AKAP9: variants seen among roughly 807,000 people sequenced by gnomAD.
AKAP9 encodes the protein A-kinase anchoring protein 9, also known as A-kinase anchor protein 9.
A neutral mutation model predicts 488.5 loss-of-function variants in AKAP9; 311 were observed. That is an observed-to-expected ratio of 0.64 (90% CI 0.58 to 0.70). The LOEUF is 0.70. AKAP9 is among the 30% of genes least tolerant of loss of function. AKAP9 has a pLI of 0.00. For missense variants in AKAP9, 4,215 were observed against 4,374.5 expected (o/e 0.96, Z 1.03); for synonymous variants, 1,462 against 1,483.5 (o/e 0.99, Z 0.33).
chr7:92,076,854 G>T lies in AKAP9; in HGVS notation c.6613-1G>T. Reference sequence around the variant, plus strand: ...CTCTTTTGATAATTTTGTTATTAAAGATTACAAACTTAGAAGAGCAATTAG... The same window carrying T: ...CTCTTTTGATAATTTTGTTATTAAATATTACAAACTTAGAAGAGCAATTAG... On this transcript the variant is annotated splice_acceptor_variant, in intron 28 of 49. Transcript: ENST00000356239. LOFTEE classifies it high-confidence loss of function. 1 of 1,425,678 alleles carries T rather than the reference G, an allele frequency of 7.0e-7. No individual in the cohort carries two copies. The highest frequency in any genetic ancestry group is 9.6e-7 in the Non-Finnish European group (1 of 1,036,534). 88.3% of individuals were successfully genotyped at this position (1,425,678 alleles called of 1,614,324 possible).
rs778188906 is a variant in AKAP9, at chr7:92,107,386, T to C, written c.11510T>C (p.Leu3837Pro). 3 of 1,613,918 alleles carry C rather than the reference T, an allele frequency of 1.9e-6. No homozygotes were observed. Among genetic ancestry groups the C allele is most frequent in the South Asian group, 1.1e-5 (1 of 91,082 alleles). The change falls in exon 48 of 50, where the codon CTG becomes CCG. Residue 3837 changes from leucine to proline, a missense_variant. Coordinates refer to ENST00000356239, the MANE Select transcript of AKAP9 (RefSeq NM_005751.5). ...RHTTYRSRSD[L>P]DYIRSPLPFQ... ...ACTACGTATCGCTCAAGATCAGATC[T>C]GGACTATATTAGGTCCCCTTTACCA...
rs1472983942 is a variant in AKAP9, at chr7:91,941,010, T to C, written c.-90T>C. On this transcript the variant is annotated 5_prime_UTR_variant, in exon 1 of 50. Coordinates refer to ENST00000356239, the MANE Select transcript of AKAP9 (RefSeq NM_005751.5). ...AATCGGCTCTCTAGGCCGTGGAGCT[T>C]GCCGTCCCACCTCCGTCCAAATCGA... The C allele has an allele frequency of 1.5e-6, 2 of 1,343,706 alleles. No individual in the cohort carries two copies. The highest frequency in any genetic ancestry group is 2.1e-6 in the Non-Finnish European group (2 of 933,610). 83.2% of individuals were successfully genotyped at this position (1,343,706 alleles called of 1,614,324 possible).
At chr7:92,037,307 A>G (rs1376826324) in intron 16 of AKAP9, among the ~76,000 whole-genome samples, 4 of 152,176 alleles carry the variant, frequency 2.6e-5, no homozygotes, top group Non-Finnish European at 5.9e-5. Context: ...AATTACTCCA[A>G]AGGAGGCTAG....
In AKAP9 at chr7:92,086,259, T is replaced by G. The variant is rs1177146640; in HGVS notation, c.9056T>G (p.Phe3019Cys). ...GATAGTTCTCAATCTCATGAGAGCT[T>G]CTCAGACTGGCGAGGTGAACTACTG... ...VYDSSQSHES[F>C]SDWRGELLLA... Residue 3019 changes from phenylalanine (F) to cysteine (C), a missense_variant, in exon 37 of 50, where the codon TTC (phenylalanine) becomes TGC (cysteine). Phe to Cys is a radical substitution (Grantham distance 205). This residue lies in a region of AKAP9 where 1,476 missense variants were observed against 1,477.4 expected (regional missense o/e 1.00). Coordinates refer to ENST00000356239, the MANE Select transcript of AKAP9 (RefSeq NM_005751.5). 5 of 1,614,008 alleles carry G rather than the reference T, an allele frequency of 3.1e-6. No individual in the cohort carries two copies. The highest frequency in any genetic ancestry group is 4.2e-6 in the Non-Finnish European group (5 of 1,180,000).
intron 17 of AKAP9, 89 bp downstream of exon 17, chr7:92,038,861 T>C: frequency 1.1e-6 from 1 of 888,968 alleles, no homozygotes; most frequent in Non-Finnish European, 1.7e-6. Context: ...CTGCTTAATG[T>C]TTGGAGGAGG....
rs2299234 is a variant in AKAP9, at chr7:91,998,154, A to C, written c.930+2354A>C. On this transcript the variant is annotated intron_variant, in intron 7 of 49. Coordinates refer to ENST00000356239, the MANE Select transcript of AKAP9 (RefSeq NM_005751.5). ...CAATAAGGTTCGAGCTCCTAGAAGA[A>C]TCTAGTGCCGCAGCAGATCTCACAG... is the stretch of plus-strand genomic sequence containing the variant. 9.3e-3 allele frequency among the ~76,000 whole-genome samples: 1,414 copies of C among 152,258 alleles called. 61 individuals carry two copies. The highest frequency in any genetic ancestry group is 0.085 in the East Asian group (439 of 5,166).
intron 1 of AKAP9, among the ~76,000 whole-genome samples, chr7:91,961,134 GA>G (rs1470046708): frequency 6.6e-6 from 1 of 151,664 alleles, no homozygotes; most frequent in African/African-American, 2.4e-5. Flanking sequence ...CCAAATAGTT[GA>G]TTTTTTTGAA....
rs1811447886 is a variant in AKAP9 at position 92,070,103 on chromosome 7, T to C, written c.6404T>C (p.Leu2135Pro). 1 of 1,613,946 alleles carries C rather than the reference T, an allele frequency of 6.2e-7. No individual in the cohort carries two copies. The highest frequency in any genetic ancestry group is 1.3e-5 in the African/African-American group (1 of 74,912). The change falls in exon 27 of 50, where the codon CTT becomes CCT. Residue 2135 changes from leucine to proline, a missense_variant. Physicochemically the swap from Leu to Pro is moderately conservative, Grantham distance 98. This residue lies in a region of AKAP9 where 2,361 missense variants were observed against 2,430.0 expected (regional missense o/e 0.97). Coordinates refer to ENST00000356239, the MANE Select transcript of AKAP9 (RefSeq NM_005751.5). ...GAGCTTTTGCTCTCTAAAGAGCAGCTTCAAAGGGATATACAAGAAAGGAAT... is the reference window on the plus strand; with the variant it reads ...GAGCTTTTGCTCTCTAAAGAGCAGCCTCAAAGGGATATACAAGAAAGGAAT... Reference protein sequence around the residue: ...CSELLLSKEQLQRDIQERNEE... With the variant: ...CSELLLSKEQPQRDIQERNEE...
At chr7:92,095,252 A>G in intron 40 of AKAP9, 79 bp downstream of exon 40, 1 of 1,517,212 alleles carries the variant, frequency 6.6e-7, no homozygotes, top group East Asian at 2.3e-5. Context: ...TCCATCTAAA[A>G]TGTCAACCTT....
intron 3 of AKAP9, among the ~76,000 whole-genome samples, chr7:91,983,115 C>T (rs897382787): frequency 2.0e-5 from 3 of 151,706 alleles, no homozygotes; most frequent in African/African-American, 7.3e-5. Flanking sequence ...AGGTTTGCTA[C>T]GTAGGTATAC....
At chr7:92,056,727 T>C (rs1415920411) in intron 22 of AKAP9, among the ~76,000 whole-genome samples, 3 of 151,950 alleles carry the variant, frequency 2.0e-5, no homozygotes, top group Non-Finnish European at 4.4e-5. Flanking sequence ...ATTATTAGTC[T>C]ACCTACTGTG....
In AKAP9 at chr7:92,042,664, A is replaced by G; in HGVS notation, c.5059-4A>G. The G allele has an allele frequency of 6.3e-7, 1 of 1,599,390 alleles. No individual in the cohort carries two copies. Among genetic ancestry groups the G allele is most frequent in the African/African-American group, 1.3e-5 (1 of 74,710 alleles). On this transcript the variant is annotated splice_region_variant and splice_polypyrimidine_tract_variant and intron_variant, in intron 19 of 49. Coordinates refer to ENST00000356239, the MANE Select transcript of AKAP9 (RefSeq NM_005751.5). ...CCTCTCTTCCTTTACACAAACTTAA[A>G]CAGAATGGAAATGAAAACCAAGGAG...
In AKAP9 at chr7:92,022,875, A is replaced by C. The variant is rs761236914; in HGVS notation, c.4014A>C (p.Glu1338Asp). Reference protein sequence around the residue: ...LQDLEKTKLEEQVQELESLIS... With the variant: ...LQDLEKTKLEDQVQELESLIS... The stretch of plus-strand genomic sequence containing the variant: ...ATCTTGAAAAAACTAAACTTGAAGA[A>C]CAAGTTCAAGAATTAGAAAGCCTCA... Residue 1338 changes from glutamate (E) to aspartate (D), a missense_variant, in exon 14 of 50, where the codon GAA (glutamate) becomes GAC (aspartate). Glu to Asp is a conservative substitution (Grantham distance 45). Coordinates refer to ENST00000356239, the MANE Select transcript of AKAP9 (RefSeq NM_005751.5). 5 of 1,610,850 alleles carry C rather than the reference A, an allele frequency of 3.1e-6. No individual in the cohort carries two copies. The highest frequency in any genetic ancestry group is 3.3e-5 in the Admixed American group (2 of 59,990).
Position 92,084,915 on chromosome 7 carries a change from C to G in AKAP9, c.8807C>G (p.Thr2936Arg). 6.2e-7 allele frequency: 1 copy of G among 1,613,254 alleles called. No individual in the cohort carries two copies. Among genetic ancestry groups the G allele is most frequent in the South Asian group, 1.1e-5 (1 of 91,014 alleles). ...CGAGGAGAAGAAAGTGAAAGTGCAA[C>G]AGATTCCTTTCCAAAGAAAATAAAG... ...EGRGEESESA[T>R]DSFPKKIKGL... The change falls in exon 35 of 50, where the codon ACA becomes AGA. Residue 2936 changes from threonine (T) to arginine (R), a missense_variant. Thr to Arg is a moderately conservative substitution (Grantham distance 71). This residue lies in a region of AKAP9 where 1,476 missense variants were observed against 1,477.4 expected (regional missense o/e 1.00). Transcript: ENST00000356239.
At chr7:91,959,886 T>C (rs1408065180) in intron 1 of AKAP9, among the ~76,000 whole-genome samples, 1 of 152,226 alleles carries the variant, frequency 6.6e-6, no homozygotes. Context: ...TTAAGAATAC[T>C]TTAAAGCATC....
intron 1 of AKAP9, among the ~76,000 whole-genome samples, chr7:91,945,324 T>C (rs1308169272): frequency 6.6e-6 from 1 of 152,154 alleles, no homozygotes; most frequent in Non-Finnish European, 1.5e-5. Flanking sequence ...CTGGCCAACA[T>C]GGCAAAACCC....
chr7:91,945,642 G>T (rs1791372071), intron 1 of AKAP9, among the ~76,000 whole-genome samples: 2 of 152,160 alleles, frequency 1.3e-5, no homozygotes. Context: ...TATTGATGTT[G>T]CAAGAAGCAT....
chr7:92,082,703 C>A, intron 32 of AKAP9, 41 bp downstream of exon 32: 2 of 1,604,924 alleles, frequency 1.2e-6, no homozygotes, highest in Non-Finnish European at 1.7e-6. Flanking sequence ...TCATTTCTAC[C>A]TATCTTAATT....
At chr7:91,975,490 T>A (rs544337604) in intron 2 of AKAP9, among the ~76,000 whole-genome samples, 1 of 152,240 alleles carries the variant, frequency 6.6e-6, no homozygotes, top group Non-Finnish European at 1.5e-5. Flanking sequence ...CTGTAAGTTC[T>A]AATAGGTTTT....
Sources: gnomAD v4.1 joint callset for allele counts (sites outside exome capture counted in the v4.1 genomes callset) on GRCh38, gnomAD v4.1.1 for gene constraint, gnomAD v4.1.1 regional missense constraint, MANE v1.5 for transcripts, NCBI Gene and HGNC (gene_info 2026-07-23, HGNC 2026-07-21) for gene names.